The following LARP1B variants were observed in gnomAD, a reference collection of about 807,000 sequenced individuals.
LARP1B encodes the protein La ribonucleoprotein 1B.
Under a neutral mutation model 114.2 loss-of-function variants are expected in LARP1B, and 76 were observed. The ratio of observed to expected loss-of-function variants is 0.67; its 90% CI spans 0.55 to 0.81. LARP1B has a LOEUF of 0.81. Ranked by LOEUF, LARP1B falls within the 30% of genes least tolerant of loss-of-function variation. The probability of loss-of-function intolerance (pLI) is 0.00; values close to 1 mark genes in which losing one functional copy is unlikely to be tolerated. For missense variants in LARP1B, 1,014 were observed against 1,075.8 expected (o/e 0.94, Z 0.80); for synonymous variants, 345 against 348.0 (o/e 0.99, Z 0.10).
chr4:128,069,060 C>T, intron 1 of LARP1B: 2 of 1,014,352 alleles, frequency 2.0e-6, no homozygotes, highest in Non-Finnish European at 3.0e-6. Context: ...TCTCCAAGCT[C>T]CCTGGTGAGA....
chr4:128,139,811 T>G (rs1431359518), intron 11 of LARP1B, among the ~76,000 whole-genome samples: 1 of 152,210 alleles, frequency 6.6e-6, no homozygotes, highest in African/African-American at 2.4e-5. Context: ...TTCATAAAAC[T>G]TATATTAGCA....
intron 11 of LARP1B, among the ~76,000 whole-genome samples, chr4:128,153,439 C>T (rs946620987): frequency 1.3e-5 from 2 of 151,566 alleles, no homozygotes; most frequent in Admixed American, 6.6e-5. Flanking sequence ...GCCTCAGCCA[C>T]GGACTACAGG....
At chr4:128,169,453 C>G (rs1473967920) in intron 12 of LARP1B, among the ~76,000 whole-genome samples, 1 of 151,842 alleles carries the variant, frequency 6.6e-6, no homozygotes, top group Non-Finnish European at 1.5e-5. Flanking sequence ...TTTTTTGATA[C>G]ATCAGCTATT....
At chr4:128,069,315 T>C in intron 1 of LARP1B, 1 of 825,146 alleles carries the variant, frequency 1.2e-6, no homozygotes, top group Non-Finnish European at 2.1e-6. Flanking sequence ...GCATCCAGCT[T>C]GCCGCTTTGC....
chr4:128,073,589 TTTTTTTTTTTTTTTTTTTTTG>T (rs1374512163), intron 1 of LARP1B, among the ~76,000 whole-genome samples: 6 of 38,394 alleles, frequency 1.6e-4, no homozygotes, highest in Admixed American at 3.6e-4. Context: ...TTTTTTTTTT[TTTTTTTTTTTTTTTTTTTTTG>T]GACAGAGTCT....
At chr4:128,155,938 GGCGGTACCA>G (rs1221909199) in intron 11 of LARP1B, 27 of 1,532,900 alleles carry the variant, frequency 1.8e-5, no homozygotes, top group Non-Finnish European at 2.4e-5. Flanking sequence ...GGGGTACACA[GGCGGTACCA>G]GCGGCACCAG....
intron 11 of LARP1B, among the ~76,000 whole-genome samples, chr4:128,125,050 G>A (rs1580730482): frequency 6.6e-6 from 1 of 152,136 alleles, no homozygotes; most frequent in East Asian, 1.9e-4. Flanking sequence ...TATATTTACT[G>A]CTGAAGACTA....
In LARP1B at chr4:128,207,486, T is replaced by C. The variant is rs73848746; in HGVS notation, c.2547+103T>C. 2,767 of 738,102 alleles carry C rather than the reference T, an allele frequency of 3.7e-3. 82 individuals are homozygous for C. The African/African-American group carries it at 0.047, about 12-fold the overall frequency. 45.7% of individuals were successfully genotyped at this position (738,102 alleles called of 1,614,324 possible). A position where few individuals can be genotyped will look rare whatever the true frequency, so the allele number is the denominator to read the frequency against. ...AATTTTGTAATTTTTATTTTTTAACTTTTTAGTTTTAAAATTAAACTTTGA... is the reference window on the plus strand; with the variant it reads ...AATTTTGTAATTTTTATTTTTTAACCTTTTAGTTTTAAAATTAAACTTTGA... On this transcript the variant is annotated intron_variant, in intron 19 of 19. Coordinates refer to ENST00000326639, the MANE Select transcript of LARP1B (RefSeq NM_018078.4).
chr4:128,075,093 C>G, intron 3 of LARP1B, 100 bp downstream of exon 3: 1 of 817,918 alleles, frequency 1.2e-6, no homozygotes, highest in South Asian at 1.6e-5. Context: ...AATTGTCATA[C>G]TGGGGGACAG....
intron 10 of LARP1B, among the ~76,000 whole-genome samples, chr4:128,115,854 A>T (rs1389312425): frequency 6.6e-6 from 1 of 152,112 alleles, no homozygotes; most frequent in Non-Finnish European, 1.5e-5. Flanking sequence ...AGACGGGATT[A>T]CACCATATTG....
chr4:128,168,085 A>G (rs1186180871), intron 12 of LARP1B, among the ~76,000 whole-genome samples: 1 of 152,074 alleles, frequency 6.6e-6, no homozygotes, highest in Non-Finnish European at 1.5e-5. Flanking sequence ...ATGAGTATCA[A>G]GTTGCTATGT....
chr4:128,108,804 T>TA, intron 9 of LARP1B: 1 of 984,744 alleles, frequency 1.0e-6, no homozygotes. Flanking sequence ...AAATAGCATA[T>TA]ACTTTCTCTG....
intron 12 of LARP1B, among the ~76,000 whole-genome samples, chr4:128,164,319 G>A (rs975643673): frequency 2.7e-4 from 41 of 152,134 alleles, no homozygotes; most frequent in Middle Eastern, 3.4e-3. Context: ...CACTAGGGCT[G>A]TTCAGTTAAA....
chr4:128,060,830 C>A (rs1759904788), upstream of LARP1B, among the ~76,000 whole-genome samples: 1 of 151,476 alleles, frequency 6.6e-6, no homozygotes, highest in Non-Finnish European at 1.5e-5. Flanking sequence ...GCGGGCCAAG[C>A]GGCCGGGCCG....
At chr4:128,182,151 T>C (rs1301258159) in intron 15 of LARP1B, among the ~76,000 whole-genome samples, 1 of 144,622 alleles carries the variant, frequency 6.9e-6, no homozygotes, top group African/African-American at 2.6e-5. Flanking sequence ...TCTCACTCTG[T>C]TGCACAGGCT....
In LARP1B at chr4:128,091,598, A is replaced by G. The variant is rs1027672754; in HGVS notation, c.668+86A>G. On this transcript the variant is annotated intron_variant, in intron 7 of 19. Coordinates refer to ENST00000326639, the MANE Select transcript of LARP1B (RefSeq NM_018078.4). ...ATGTCATTGATAATGAATATGCTAT[A>G]ATTTTTTTTTTTTTTTGAGACAGAG... The G allele has an allele frequency of 2.1e-5, 24 of 1,119,398 alleles. No homozygotes were observed. In the Admixed American group the frequency reaches 2.3e-4, roughly 11 times the overall value. The allele number at this position is 1,119,398 out of a possible 1,614,324, so 69.3% of individuals were successfully genotyped here. A position where few individuals can be genotyped will look rare whatever the true frequency, so the allele number is the denominator to read the frequency against.
At chr4:128,097,648 G>C (rs1055871779) in intron 7 of LARP1B, among the ~76,000 whole-genome samples, 1 of 152,102 alleles carries the variant, frequency 6.6e-6, no homozygotes, top group Non-Finnish European at 1.5e-5. Context: ...CTGGTTACTA[G>C]GCTTCAGAAG....
At chr4:128,105,344 T>C (rs1040883544) in intron 8 of LARP1B, among the ~76,000 whole-genome samples, 3 of 152,214 alleles carry the variant, frequency 2.0e-5, no homozygotes, top group Non-Finnish European at 2.9e-5. Flanking sequence ...GTTCTTTTCA[T>C]TGGTAGTTTT....
intron 13 of LARP1B, among the ~76,000 whole-genome samples, chr4:128,177,894 CA>C (rs1170876241): frequency 6.6e-6 from 1 of 151,730 alleles, no homozygotes; most frequent in Non-Finnish European, 1.5e-5. Flanking sequence ...GTTGATTAAA[CA>C]AAAAACTTTG....
Sources: allele counts gnomAD v4.1 joint callset (sites outside exome capture counted in the v4.1 genomes callset), GRCh38; gene constraint gnomAD v4.1.1; transcripts MANE v1.5; gene names NCBI Gene and HGNC (gene_info 2026-07-23, HGNC 2026-07-21).